HS2ST1: variants seen among roughly 807,000 people sequenced by gnomAD.
The protein encoded by HS2ST1 is heparan sulfate 2-O-sulfotransferase 1.
A neutral mutation model predicts 42.9 loss-of-function variants in HS2ST1; 18 were observed. The observed-to-expected ratio is 0.42, with a 90% CI of 0.29 to 0.62. HS2ST1 has a LOEUF of 0.62. HS2ST1 is among the 20% of genes least tolerant of loss of function. The pLI is 0.21. For synonymous variants in HS2ST1, 146 were observed against 152.9 expected (o/e 0.95, Z 0.33); for missense variants, 334 against 433.8 (o/e 0.77, Z 2.04).
In HS2ST1 at chr1:87,097,129, AAT is replaced by A. The variant is rs1652086341; in HGVS notation, c.589-706_589-705del. On this transcript the variant is annotated intron_variant, in intron 4 of 6. Transcript: ENST00000370550. ...GCAGTCTTTTCAGTAGTCATTTACA[AAT>A]ATTAATAGTGCAAGTGGTTTATATA... is the stretch of plus-strand genomic sequence containing the variant. Among the ~76,000 whole-genome samples, 3 of 152,354 alleles carry A rather than the reference AAT, an allele frequency of 2.0e-5. No homozygotes were observed. The South Asian group carries it at 6.2e-4, about 32-fold the overall frequency.
intron 1 of HS2ST1, among the ~76,000 whole-genome samples, chr1:86,916,477 C>T (rs1386040776): frequency 6.6e-6 from 1 of 152,104 alleles, no homozygotes; most frequent in African/African-American, 2.4e-5. Flanking sequence ...AAAGCCTTGA[C>T]ATTTTAAAGA....
intron 1 of HS2ST1, among the ~76,000 whole-genome samples, chr1:87,017,894 T>G (rs927936232): frequency 1.3e-5 from 2 of 152,162 alleles, no homozygotes; most frequent in South Asian, 4.1e-4. Context: ...TTGTATTTTA[T>G]CCATCTATCC....
chr1:87,005,013 A>G (rs902007950), intron 1 of HS2ST1, among the ~76,000 whole-genome samples: 3 of 152,164 alleles, frequency 2.0e-5, no homozygotes, highest in Non-Finnish European at 4.4e-5. Flanking sequence ...CCCAGTTTTG[A>G]CCTCTGCAGT....
intron 1 of HS2ST1, among the ~76,000 whole-genome samples, chr1:87,021,579 A>G (rs1310878792): frequency 6.6e-6 from 1 of 152,208 alleles, no homozygotes; most frequent in African/African-American, 2.4e-5. Flanking sequence ...CAATGGCACA[A>G]TCACTACTCA....
chr1:86,932,236 T>G (rs1660559421), intron 1 of HS2ST1: 1 of 152,192 alleles, frequency 6.6e-6, no homozygotes. Flanking sequence ...CTCACATATG[T>G]GAGAGCTAAA....
chr1:86,929,673 T>G (rs1319908398), intron 1 of HS2ST1, among the ~76,000 whole-genome samples: 1 of 151,780 alleles, frequency 6.6e-6, no homozygotes, highest in Non-Finnish European at 1.5e-5. Flanking sequence ...AAATAACTCT[T>G]TGGCCTCTAA....
intron 1 of HS2ST1, among the ~76,000 whole-genome samples, chr1:87,015,505 CA>C (rs1285408611): frequency 2.0e-5 from 3 of 151,990 alleles, no homozygotes; most frequent in African/African-American, 7.3e-5. Flanking sequence ...CCACCACGCC[CA>C]GCTAATTTTT....
intron 1 of HS2ST1, among the ~76,000 whole-genome samples, chr1:87,004,340 G>A (rs1649374576): frequency 6.6e-6 from 1 of 152,118 alleles, no homozygotes; most frequent in South Asian, 2.1e-4. Flanking sequence ...GCAGCGAGCC[G>A]AGATCACGCC....
Position 87,092,665 on chromosome 1 carries a change from A to G in HS2ST1, c.584A>G (p.Lys195Arg). ...PGLRRRKQGD[K>R]KTFDECVAEG... ...TTACGGAGACGAAAACAAGGAGACA[A>G]AAAGGTAATATTTTAGTTTTAAGAT... Residue 195 changes from lysine to arginine, a missense_variant, in exon 4 of 7, where the codon AAA becomes AGA. By Grantham distance (26) the Lys-to-Arg change is conservative (BLOSUM62 2). Coordinates refer to ENST00000370550, the MANE Select transcript of HS2ST1 (RefSeq NM_012262.4). 6.6e-7 allele frequency: 1 copy of G among 1,525,064 alleles called. No homozygotes were observed. The highest frequency in any genetic ancestry group is 1.3e-5 in the South Asian group (1 of 75,618). The allele number at this position is 1,525,064 out of a possible 1,614,324, so 94.5% of individuals were successfully genotyped here. A position where few individuals can be genotyped will look rare whatever the true frequency, so the allele number is the denominator to read the frequency against.
chr1:87,052,328 T>C (rs1016108017), intron 1 of HS2ST1, among the ~76,000 whole-genome samples: 2 of 152,206 alleles, frequency 1.3e-5, no homozygotes, highest in African/African-American at 4.8e-5. Context: ...CTTCAGTTTT[T>C]AACTAGTAAG....
intron 1 of HS2ST1, among the ~76,000 whole-genome samples, chr1:86,988,006 C>T (rs1648840055): frequency 6.6e-6 from 1 of 152,194 alleles, no homozygotes; most frequent in South Asian, 2.1e-4. Flanking sequence ...ACTCCTCGTC[C>T]ATGCTGATCC....
At chr1:87,053,336 G>A (rs1650878620) in intron 1 of HS2ST1, among the ~76,000 whole-genome samples, 1 of 152,188 alleles carries the variant, frequency 6.6e-6, no homozygotes, top group Admixed American at 6.5e-5. Context: ...TATTTTAATG[G>A]CAGTATGGAC....
At chr1:86,972,313 C>T (rs985732468) in intron 1 of HS2ST1, among the ~76,000 whole-genome samples, 1 of 152,054 alleles carries the variant, frequency 6.6e-6, no homozygotes, top group African/African-American at 2.4e-5. Flanking sequence ...AGAGAACATT[C>T]ACATGGCTTG....
chr1:87,092,899 G>C (rs933435159), intron 4 of HS2ST1, among the ~76,000 whole-genome samples: 1 of 151,806 alleles, frequency 6.6e-6, no homozygotes, highest in African/African-American at 2.4e-5. Context: ...GGGCGGAATC[G>C]TGTTTTCTTT....
At chr1:86,919,181 G>C (rs968072020) in intron 1 of HS2ST1, among the ~76,000 whole-genome samples, 3 of 151,968 alleles carry the variant, frequency 2.0e-5, no homozygotes, top group Non-Finnish European at 2.9e-5. Context: ...CTGACCTCAA[G>C]TGATCTGCCC....
intron 1 of HS2ST1, among the ~76,000 whole-genome samples, chr1:87,033,820 A>G (rs1482308050): frequency 1.3e-5 from 2 of 152,242 alleles, no homozygotes; most frequent in Non-Finnish European, 2.9e-5. Context: ...CTGGGATTAC[A>G]GGCGTGAGCC....
At chr1:86,945,453 C>A (rs1401203495) in intron 1 of HS2ST1, among the ~76,000 whole-genome samples, 3 of 152,112 alleles carry the variant, frequency 2.0e-5, no homozygotes, top group African/African-American at 7.2e-5. Flanking sequence ...AGATATTATT[C>A]TCTGAAGAAA....
At chr1:87,023,726 C>T (rs2100589645) in intron 1 of HS2ST1, among the ~76,000 whole-genome samples, 1 of 151,924 alleles carries the variant, frequency 6.6e-6, no homozygotes, top group African/African-American at 2.4e-5. Context: ...TGTGTCTTAA[C>T]ATTCATGTCT....
chr1:86,975,599 TTTG>T (rs1474478222), intron 1 of HS2ST1, among the ~76,000 whole-genome samples: 2 of 152,178 alleles, frequency 1.3e-5, no homozygotes, highest in Non-Finnish European at 2.9e-5. Context: ...TTAATAAAAT[TTTG>T]TTGATATCAA....
Sources: gnomAD v4.1 joint callset for allele counts (sites outside exome capture counted in the v4.1 genomes callset) on GRCh38, gnomAD v4.1.1 for gene constraint, MANE v1.5 for transcripts, NCBI Gene and HGNC (gene_info 2026-07-23, HGNC 2026-07-21) for gene names.